TEX2: variants seen among roughly 807,000 people sequenced by gnomAD.
TEX2 encodes testis expressed 2.
Under a neutral mutation model 106.9 loss-of-function variants are expected in TEX2, and 53 were observed. That is an observed-to-expected ratio of 0.50 (90% CI 0.40 to 0.62). The LOEUF is 0.62. TEX2 is among the 20% of genes least tolerant of loss of function. The pLI, the probability that TEX2 is intolerant of heterozygous loss-of-function variation, is 0.00. For synonymous variants in TEX2, 523 were observed against 534.8 expected, an observed-to-expected ratio of 0.98 and a Z score of 0.30; for missense variants, 1,207 against 1,379.0, an observed-to-expected ratio of 0.88 and a Z score of 1.98.
intron 1 of TEX2, among the ~76,000 whole-genome samples, chr17:64,239,988 A>G (rs2033855177): frequency 6.6e-6 from 1 of 151,966 alleles, no homozygotes; most frequent in African/African-American, 2.4e-5. Flanking sequence ...GAATTGTTAA[A>G]TAAGGACTCT....
At chr17:64,189,200 C>T (rs1222678692) in intron 4 of TEX2, among the ~76,000 whole-genome samples, 1 of 152,190 alleles carries the variant, frequency 6.6e-6, no homozygotes, top group Non-Finnish European at 1.5e-5. Flanking sequence ...TGAACTCACG[C>T]ACCTAAGCAG....
chr17:64,206,240 A>C (rs2032825005), intron 2 of TEX2, among the ~76,000 whole-genome samples: 1 of 152,188 alleles, frequency 6.6e-6, no homozygotes, highest in South Asian at 2.1e-4. Flanking sequence ...GCTACCACAC[A>C]GGGGGTGTCA....
chr17:64,231,755 C>T (rs782607651), intron 1 of TEX2, among the ~76,000 whole-genome samples: 2 of 152,206 alleles, frequency 1.3e-5, no homozygotes, highest in East Asian at 1.9e-4. Context: ...TCCAGTTCCA[C>T]CTCTTATCAG....
intron 1 of TEX2, among the ~76,000 whole-genome samples, chr17:64,237,239 C>T (rs1252668102): frequency 6.6e-6 from 1 of 151,400 alleles, no homozygotes; most frequent in African/African-American, 2.4e-5. Flanking sequence ...GGGCCTGAGG[C>T]AGGCGCAGAG....
chr17:64,211,454 C>G (rs1555631546), intron 2 of TEX2, among the ~76,000 whole-genome samples: 1 of 151,900 alleles, frequency 6.6e-6, no homozygotes, highest in African/African-American at 2.4e-5. Context: ...TACAATCAGC[C>G]CTCTATATCC....
At chr17:64,150,351 G>T (rs1427194168) in intron 11 of TEX2, 1 of 152,298 alleles carries the variant, frequency 6.6e-6, no homozygotes, top group East Asian at 1.9e-4. Context: ...AGCTACCCAG[G>T]GGAGGGAGAG....
chr17:64,248,764 A>C (rs2034036919), intron 1 of TEX2, among the ~76,000 whole-genome samples: 1 of 152,188 alleles, frequency 6.6e-6, no homozygotes, highest in Non-Finnish European at 1.5e-5. Flanking sequence ...CTGGCCAGGC[A>C]GGGCTCACCC....
rs199526183 is a variant in TEX2, at chr17:64,213,780, G to C, written c.438C>G (p.Ser146Arg). ...CAGAAAGGGATGACACACTGGGAGA[G>C]CTAGCTAAGGGCCCCGACGAAGACG... ...PGSSSSGPLASSPSVSSLSEQ... is the reference protein window; with the variant it reads ...PGSSSSGPLARSPSVSSLSEQ... Residue 146 changes from serine to arginine, a missense_variant, in exon 2 of 12, where the codon AGC (serine) becomes AGG (arginine). Ser to Arg is a moderately radical substitution (Grantham distance 110). Coordinates refer to ENST00000584379, the MANE Select transcript of TEX2 (RefSeq NM_001288732.2). This position sits in a 1 kb window ranked among gnomAD's most constrained non-coding sequence, Gnocchi z 4.4. The C allele has an allele frequency of 6.2e-7, 1 of 1,614,194 alleles. No individual in the cohort carries two copies. The highest frequency in any genetic ancestry group is 2.2e-5 in the East Asian group (1 of 44,888).
At chr17:64,211,507 AAAT>A (rs1174503858) in intron 2 of TEX2, among the ~76,000 whole-genome samples, 3 of 152,374 alleles carry the variant, frequency 2.0e-5, no homozygotes, top group Non-Finnish European at 4.4e-5. Context: ...AAATTAAAAA[AAAT>A]AATAACAATC....
chr17:64,206,107 A>T (rs916176308), intron 2 of TEX2, among the ~76,000 whole-genome samples: 3 of 152,210 alleles, frequency 2.0e-5, no homozygotes, highest in African/African-American at 7.2e-5. Flanking sequence ...TTGGCTAAGC[A>T]AACATGCCAA....
chr17:64,213,692 T>G lies in TEX2; in HGVS notation c.526A>C (p.Ser176Arg), dbSNP rs782598628. The G allele has an allele frequency of 3.7e-6, 6 of 1,614,050 alleles. No homozygotes were observed. In the South Asian group the frequency reaches 6.6e-5, roughly 18 times the overall value. ...CTGGAAAGGGTGGAGGTTGAGGCAC[T>G]GGATGAGAGGATGGGAGACTTAGAA... The part of the protein sequence containing the change: ...SPSKSPILSS[S>R]ASTSTLSSAK... The change falls in exon 2 of 12, where the codon AGT (serine) becomes CGT (arginine). Residue 176 changes from serine to arginine, a missense_variant. By Grantham distance (110) the Ser-to-Arg change is moderately radical (BLOSUM62 -1). Coordinates refer to ENST00000584379, the MANE Select transcript of TEX2 (RefSeq NM_001288732.2). This position sits in a 1 kb window ranked among gnomAD's most constrained non-coding sequence, Gnocchi z 4.4.
At chr17:64,177,034 G>A (rs1026927903) in intron 6 of TEX2, among the ~76,000 whole-genome samples, 10 of 152,128 alleles carry the variant, frequency 6.6e-5, no homozygotes, top group African/African-American at 1.4e-4. Context: ...AAGACGAATC[G>A]GTTATAAGAG....
chr17:64,237,412 G>T (rs139487938), intron 1 of TEX2, among the ~76,000 whole-genome samples: 23 of 152,304 alleles, frequency 1.5e-4, no homozygotes, highest in African/African-American at 5.3e-4. Flanking sequence ...CTTATTGTAT[G>T]TGGTCTGGAG....
intron 6 of TEX2, among the ~76,000 whole-genome samples, chr17:64,175,651 A>G (rs2031589055): frequency 6.6e-6 from 1 of 152,108 alleles, no homozygotes; most frequent in Admixed American, 6.5e-5. Flanking sequence ...TGGTGGTGCG[A>G]TCATAGCTCA....
intron 1 of TEX2, among the ~76,000 whole-genome samples, chr17:64,255,461 T>C (rs2034166746): frequency 6.6e-6 from 1 of 152,216 alleles, no homozygotes; most frequent in South Asian, 2.1e-4. Flanking sequence ...AATGCTTCAT[T>C]GTGGAACTAT....
intron 9 of TEX2, among the ~76,000 whole-genome samples, 163 bp downstream of exon 9, chr17:64,154,679 G>A (rs920056180): frequency 6.9e-6 from 1 of 145,692 alleles, no homozygotes; most frequent in Non-Finnish European, 1.5e-5. Context: ...TGGTTGCCTG[G>A]AATTTAAACA....
In TEX2 at chr17:64,148,101, A is replaced by G. The variant is rs1361053013; in HGVS notation, c.*868T>C. The G allele has an allele frequency of 1.3e-5, 2 of 152,532 alleles. No individual in the cohort carries two copies. The highest frequency in any genetic ancestry group is 4.8e-5 in the African/African-American group (2 of 41,452). The allele number at this position is 152,532 out of a possible 1,614,324, so 9.4% of individuals were successfully genotyped here. On this transcript the variant is annotated 3_prime_UTR_variant, in exon 12 of 12. Transcript: ENST00000584379. Reference sequence around the variant, plus strand: ...CCATGGAACTCTCCCAATCAGATTAACAAACTGTTTCGATTCCCATATAAA... The same window carrying G: ...CCATGGAACTCTCCCAATCAGATTAGCAAACTGTTTCGATTCCCATATAAA...
chr17:64,203,162 G>A (rs2032724035), intron 2 of TEX2, among the ~76,000 whole-genome samples: 1 of 152,186 alleles, frequency 6.6e-6, no homozygotes, highest in African/African-American at 2.4e-5. Flanking sequence ...GCTTGATACT[G>A]AGCTGACCAG....
chr17:64,154,048 CT>C, intron 9 of TEX2, among the ~76,000 whole-genome samples: 1 of 152,270 alleles, frequency 6.6e-6, no homozygotes, highest in South Asian at 2.1e-4. Flanking sequence ...AGGATATTTG[CT>C]TTTTAAAATC....
Sources: allele counts gnomAD v4.1 joint callset (sites outside exome capture counted in the v4.1 genomes callset), GRCh38; gene constraint gnomAD v4.1.1; non-coding constraint Gnocchi (gnomAD v3.1); transcripts MANE v1.5; gene names NCBI Gene and HGNC (gene_info 2026-07-23, HGNC 2026-07-21).